The following ZNF717 variants were observed in gnomAD, a reference collection of about 807,000 sequenced individuals.
ZNF717 encodes zinc finger protein 717, also known as krueppel-like factor X17.
In ZNF717, 9 loss-of-function variants were observed where a neutral mutation model predicts 13.8. That is an observed-to-expected ratio of 0.65 (90% confidence interval 0.39 to 1.14). ZNF717 has a LOEUF of 1.14. Ranked by LOEUF, ZNF717 falls within the 50% of genes most tolerant of loss-of-function variation. ZNF717 has a pLI of 0.01. For synonymous variants in ZNF717, 327 were observed against 364.1 expected (o/e 0.90, Z 1.16); for missense variants, 1,040 against 1,080.7 (o/e 0.96, Z 0.53).
At chr3:75,758,985 C>A (rs116421324) in intron 2 of ZNF717, among the ~76,000 whole-genome samples, 5,169 of 152,098 alleles carry the variant, frequency 0.034, 59 homozygotes, top group South Asian at 0.061. Context: ...ATCACACACA[C>A]AAAAAAAGAT....
At chr3:75,731,249 T>C (rs1358471594), downstream of ZNF717, among the ~76,000 whole-genome samples, 4 of 152,172 alleles carry the variant, frequency 2.6e-5, no homozygotes, top group Non-Finnish European at 5.9e-5. Flanking sequence ...TGGTGGTGTG[T>C]GCCAGTAGTA....
At chr3:75,697,059 C>T (rs139089264) in intron 6 of ZNF717, among the ~76,000 whole-genome samples, 1 of 152,372 alleles carries the variant, frequency 6.6e-6, no homozygotes, top group Admixed American at 6.5e-5. Flanking sequence ...TATGACAGAC[C>T]AACAGCTAGT....
chr3:75,780,927 C>A (rs1435700427), intron 2 of ZNF717, among the ~76,000 whole-genome samples: 1 of 152,278 alleles, frequency 6.6e-6, no homozygotes, highest in Non-Finnish European at 1.5e-5. Context: ...CTACTCAAGT[C>A]CTTGGTCCAC....
At chr3:75,714,517 T>A (rs1938008575) in intron 5 of ZNF717, among the ~76,000 whole-genome samples, 2 of 152,074 alleles carry the variant, frequency 1.3e-5, no homozygotes, top group African/African-American at 4.8e-5. Context: ...TCATTTATAA[T>A]CATATGTATG....
At chr3:75,747,124 T>C (rs3009102) in intron 2 of ZNF717, among the ~76,000 whole-genome samples, 151,874 of 152,128 alleles carry the variant, frequency 1, 75,810 homozygotes, top group Middle Eastern at 1. Context: ...ATAGGGAATG[T>C]TTTCCCCATT....
intron 2 of ZNF717, among the ~76,000 whole-genome samples, chr3:75,765,881 C>T (rs78759608): frequency 7.0e-6 from 1 of 142,042 alleles, no homozygotes; most frequent in Non-Finnish European, 1.6e-5. Flanking sequence ...GGCCAAGGTG[C>T]GTAGATTGCT....
Position 75,736,950 on chromosome 3 carries a change from G to C in ZNF717, c.2673C>G (p.Thr891=). 6.4e-7 allele frequency: 1 copy of C among 1,567,786 alleles called. No individual in the cohort carries two copies. The change falls in exon 5 of 5, where the codon ACC becomes ACG. Residue 891 remains threonine, a synonymous_variant. Coordinates refer to ENST00000652011, the MANE Select transcript of ZNF717 (RefSeq NM_001290208.3). The part of the protein sequence containing the change: ...QKSHLSRHQQ[T]HIGEKSDVAE... ...CTACGTCAGATTTCTCTCCTATATG[G>C]GTTTGTTGATGCCTGCTGAGGTGTG...
At chr3:75,735,526 T>TCCTAGCTAATTGCATACTTGTAGA (rs1939064381), downstream of ZNF717, among the ~76,000 whole-genome samples, 1 of 151,938 alleles carries the variant, frequency 6.6e-6, no homozygotes, top group South Asian at 2.1e-4. Context: ...ATACTTGTAG[T>TCCTAGCTAATTGCATACTTGTAGA]CCTAGCTAAT....
At chr3:75,753,641 G>A (rs752115034) in intron 2 of ZNF717, among the ~76,000 whole-genome samples, 1 of 144,926 alleles carries the variant, frequency 6.9e-6, no homozygotes, top group East Asian at 2.0e-4. Flanking sequence ...GGGTCTGAAT[G>A]TTTGTCCCTC....
chr3:75,777,960 G>A (rs115558945), intron 2 of ZNF717, among the ~76,000 whole-genome samples: 2,056 of 146,884 alleles, frequency 0.014, 45 homozygotes, highest in African/African-American at 0.048. Flanking sequence ...TGGGAGTGAC[G>A]TGCTAAAACC....
intron 2 of ZNF717, among the ~76,000 whole-genome samples, chr3:75,758,197 G>C (rs1276036128): frequency 6.6e-6 from 1 of 150,942 alleles, no homozygotes; most frequent in African/African-American, 2.4e-5. Context: ...AGGGGTTCAC[G>C]ACTTCTGTGG....
intron 2 of ZNF717, among the ~76,000 whole-genome samples, chr3:75,767,030 A>G (rs1333870587): frequency 1.3e-5 from 2 of 152,246 alleles, no homozygotes; most frequent in East Asian, 3.9e-4. Flanking sequence ...AACCTTGCCC[A>G]GACTACTGAC....
At chr3:75,724,033 C>A (rs796127694) in intron 4 of ZNF717, among the ~76,000 whole-genome samples, 1 of 152,098 alleles carries the variant, frequency 6.6e-6, no homozygotes, top group Middle Eastern at 3.4e-3. Context: ...TACTAAAAGT[C>A]TTTGAAATGC....
At chr3:75,769,148 G>A (rs1943714735) in intron 2 of ZNF717, among the ~76,000 whole-genome samples, 1 of 152,188 alleles carries the variant, frequency 6.6e-6, no homozygotes, top group Non-Finnish European at 1.5e-5. Context: ...TCTCAGTGAT[G>A]AGTATGACTG....
chr3:75,756,836 G>C (rs148012289), intron 2 of ZNF717, among the ~76,000 whole-genome samples: 1 of 152,040 alleles, frequency 6.6e-6, no homozygotes, highest in Non-Finnish European at 1.5e-5. Flanking sequence ...CACCACGCCC[G>C]GCTAATGTTT....
chr3:75,719,538 A>G (rs78993028), intron 4 of ZNF717, among the ~76,000 whole-genome samples: 39 of 150,880 alleles, frequency 2.6e-4, no homozygotes, highest in South Asian at 4.2e-4. Context: ...AGTGGTTTCT[A>G]GCATAATTTA....
At chr3:75,766,913 G>T (rs1943513626) in intron 2 of ZNF717, among the ~76,000 whole-genome samples, 1 of 152,248 alleles carries the variant, frequency 6.6e-6, no homozygotes, top group Non-Finnish European at 1.5e-5. Context: ...TTCACAAGGG[G>T]AACTGGAATG....
At chr3:75,721,281 T>C (rs1478261667) in intron 4 of ZNF717, among the ~76,000 whole-genome samples, 3 of 149,818 alleles carry the variant, frequency 2.0e-5, no homozygotes, top group Non-Finnish European at 4.5e-5. Context: ...TGTTTTTGTT[T>C]ATTTATTTAT....
At chr3:75,776,682 C>A (rs558069461) in intron 2 of ZNF717, among the ~76,000 whole-genome samples, 3 of 152,340 alleles carry the variant, frequency 2.0e-5, no homozygotes, top group Non-Finnish European at 4.4e-5. Flanking sequence ...CCTCCACACT[C>A]AGAACCGTAT....
Sources: allele counts gnomAD v4.1 joint callset (sites outside exome capture counted in the v4.1 genomes callset), GRCh38; gene constraint gnomAD v4.1.1; transcripts MANE v1.5; gene names NCBI Gene and HGNC (gene_info 2026-07-23, HGNC 2026-07-21).